Variants in RBFOX1 observed in about 807,000 individuals in gnomAD.
RBFOX1 encodes RNA binding fox-1 homolog 1.
RBFOX1 carries 8 observed loss-of-function variants against 57.7 expected under a neutral mutation model. The observed-to-expected ratio is 0.14, with a 90% CI of 0.08 to 0.25. The LOEUF is 0.25. Among genes scored for constraint, RBFOX1 ranks in the 10% least tolerant of loss-of-function variants. RBFOX1 has a pLI of 1.00. For synonymous variants in RBFOX1, 326 were observed against 222.4 expected (o/e 1.47, Z -4.15); for missense variants, 611 against 548.5 (o/e 1.11, Z -1.14).
intron 2 of RBFOX1, among the ~76,000 whole-genome samples, chr16:5,469,176 C>G (rs1454398381): frequency 6.6e-6 from 1 of 152,178 alleles, no homozygotes; most frequent in Non-Finnish European, 1.5e-5. Context: ...GGGGTTCTCT[C>G]AGGTGCAGCT....
chr16:7,439,891 G>T (rs1236953087), intron 4 of RBFOX1, among the ~76,000 whole-genome samples: 1 of 150,620 alleles, frequency 6.6e-6, no homozygotes, highest in South Asian at 2.1e-4. Context: ...TTGTTGCTTT[G>T]TATTAGCAGT....
intron 14 of RBFOX1, among the ~76,000 whole-genome samples, chr16:7,685,685 G>C (rs936475111): frequency 2.0e-5 from 3 of 152,080 alleles, no homozygotes; most frequent in Non-Finnish European, 2.9e-5. Context: ...AGAGGCAGTA[G>C]CAAGTACATT....
intron 2 of RBFOX1, among the ~76,000 whole-genome samples, chr16:5,523,093 C>G (rs183287384): frequency 6.6e-6 from 1 of 152,060 alleles, no homozygotes; most frequent in African/African-American, 2.4e-5. Context: ...CGAGACTAGC[C>G]TGGCCAATAT....
chr16:5,690,173 TG>T (rs562821692), intron 3 of RBFOX1, among the ~76,000 whole-genome samples: 272 of 152,350 alleles, frequency 1.8e-3, no homozygotes, highest in African/African-American at 6.3e-3. Context: ...TTTCATGTAA[TG>T]GTATCGCATA....
At position 6,925,109 on chromosome 16, in the gene RBFOX1, G is replaced by GTTTTTTTTTTTTTTTT. The variant is rs57556084; in HGVS notation, c.-15-126921_-15-126906dup. 3.5e-4 allele frequency among the ~76,000 whole-genome samples: 16 copies of GTTTTTTTTTTTTTTTT among 45,248 alleles called. 3 individuals are homozygous for GTTTTTTTTTTTTTTTT. Among genetic ancestry groups the GTTTTTTTTTTTTTTTT allele is most frequent in the African/African-American group, 1.1e-3 (12 of 11,332 alleles). The allele number at this position is 45,248 out of a possible 152,430, so 29.7% of individuals were successfully genotyped here. A position where few individuals can be genotyped will look rare whatever the true frequency, so the allele number is the denominator to read the frequency against. On this transcript the variant is annotated intron_variant, in intron 3 of 15. Coordinates refer to ENST00000550418, the MANE Select transcript of RBFOX1 (RefSeq NM_018723.4). ...TCGTTGTTGGACATCTAGGTTGTTG[G>GTTTTTTTTTTTTTTTT]TTTTTTTTTTTTTTTTTTTTTTTTT...
intron 14 of RBFOX1, among the ~76,000 whole-genome samples, chr16:7,695,253 C>A (rs2078430036): frequency 6.6e-6 from 1 of 152,102 alleles, no homozygotes; most frequent in Non-Finnish European, 1.5e-5. Context: ...AAGGAGACAC[C>A]CATATCCATC....
intron 4 of RBFOX1, among the ~76,000 whole-genome samples, chr16:7,276,756 C>G (rs2095447997): frequency 1.3e-5 from 2 of 152,148 alleles, no homozygotes; most frequent in African/African-American, 4.8e-5. Flanking sequence ...TACGTTAAGA[C>G]TGATTACAAA....
chr16:5,509,616 C>T (rs1244364209), intron 2 of RBFOX1, among the ~76,000 whole-genome samples: 1 of 152,184 alleles, frequency 6.6e-6, no homozygotes, highest in Non-Finnish European at 1.5e-5. Flanking sequence ...CTTGCAAATT[C>T]TCCTCATTTT....
rs187021298 is a variant in RBFOX1, at chr16:7,674,186, T to C, written c.931-2588T>C. On this transcript the variant is annotated intron_variant, in intron 13 of 15. Coordinates refer to ENST00000550418, the MANE Select transcript of RBFOX1 (RefSeq NM_018723.4). ...GAAGAAAAATAGCAAAGGAAGACCA[T>C]GCAGTAAAGATAGAGGAGAGATAAA... is the stretch of plus-strand genomic sequence containing the variant. 2.3e-3 allele frequency among the ~76,000 whole-genome samples: 354 copies of C among 152,300 alleles called. 1 individual carries two copies. The highest frequency in any genetic ancestry group is 8.3e-3 in the African/African-American group (345 of 41,568).
chr16:5,860,413 CT>C (rs940087169), intron 3 of RBFOX1, among the ~76,000 whole-genome samples: 5 of 152,136 alleles, frequency 3.3e-5, no homozygotes, highest in African/African-American at 1.2e-4. Flanking sequence ...ATAAGGTTTT[CT>C]GTTTGTGCCT....
chr16:6,456,573 T>G (rs1414114535), intron 2 of RBFOX1, among the ~76,000 whole-genome samples: 3 of 152,190 alleles, frequency 2.0e-5, no homozygotes, highest in Non-Finnish European at 4.4e-5. Context: ...TGGGAACCAT[T>G]GAAGTGGATC....
chr16:6,913,281 A>G (rs1358619134), intron 3 of RBFOX1, among the ~76,000 whole-genome samples: 1 of 152,116 alleles, frequency 6.6e-6, no homozygotes, highest in Non-Finnish European at 1.5e-5. Flanking sequence ...ATTCATTTCC[A>G]TAATTACAGC....
chr16:7,334,507 A>C (rs1204044587), intron 4 of RBFOX1, among the ~76,000 whole-genome samples: 1 of 152,230 alleles, frequency 6.6e-6, no homozygotes, highest in Non-Finnish European at 1.5e-5. Context: ...TTACAGGCAA[A>C]TCGTGGCCTT....
intron 1 of RBFOX1, among the ~76,000 whole-genome samples, chr16:5,428,363 T>C (rs867298366): frequency 3.3e-5 from 5 of 152,256 alleles, no homozygotes; most frequent in Admixed American, 1.3e-4. Flanking sequence ...AAATGAAAGA[T>C]TTTTTAAGTA....
chr16:6,793,176 T>C (rs1249910736), intron 3 of RBFOX1, among the ~76,000 whole-genome samples: 1 of 152,190 alleles, frequency 6.6e-6, no homozygotes, highest in Non-Finnish European at 1.5e-5. Context: ...AAACAGATAA[T>C]ATGATCCTGT....
chr16:6,202,779 A>G (rs1367887074), intron 1 of RBFOX1, among the ~76,000 whole-genome samples: 9 of 151,918 alleles, frequency 5.9e-5, no homozygotes, highest in African/African-American at 2.2e-4. Flanking sequence ...ATTTTTTAGT[A>G]TTGATTTTTC....
intron 4 of RBFOX1, among the ~76,000 whole-genome samples, chr16:7,207,927 C>T (rs1331338877): frequency 2.0e-5 from 3 of 152,190 alleles, no homozygotes; most frequent in Non-Finnish European, 2.9e-5. Context: ...CCTCTCCTTC[C>T]TCTCAATCTT....
rs1486924980 is a variant in RBFOX1, at chr16:7,429,897, C to T, written c.28-88250C>T. On this transcript the variant is annotated intron_variant, in intron 4 of 15. Coordinates refer to ENST00000550418, the MANE Select transcript of RBFOX1 (RefSeq NM_018723.4). ...CTCTTCTAGAAGCTGCAGAATGTATCAGTAAACAAAATACACAAAAATCTC... is the reference window on the plus strand; with the variant it reads ...CTCTTCTAGAAGCTGCAGAATGTATTAGTAAACAAAATACACAAAAATCTC... 2.0e-5 allele frequency among the ~76,000 whole-genome samples: 3 copies of T among 152,156 alleles called. No homozygotes were observed. The East Asian group carries it at 5.8e-4, about 29-fold the overall frequency.
chr16:7,465,307 C>A (rs2150707307), intron 4 of RBFOX1, among the ~76,000 whole-genome samples: 2 of 152,316 alleles, frequency 1.3e-5, no homozygotes, highest in African/African-American at 4.8e-5. Context: ...GATTTTCTGG[C>A]CTGCCTTCTC....
Sources: allele counts gnomAD v4.1 joint callset (sites outside exome capture counted in the v4.1 genomes callset), GRCh38; gene constraint gnomAD v4.1.1; transcripts MANE v1.5; gene names NCBI Gene and HGNC (gene_info 2026-07-23, HGNC 2026-07-21).